PARM1: variants seen among roughly 807,000 people sequenced by gnomAD.
The protein encoded by PARM1 is prostate androgen-regulated mucin-like protein 1.
A neutral mutation model predicts 24.6 loss-of-function variants in PARM1; 14 were observed. The observed-to-expected ratio is 0.57, with a 90% CI of 0.38 to 0.89. The LOEUF is 0.89. PARM1 is among the 40% of genes least tolerant of loss of function. PARM1 has a pLI of 0.00. For missense variants in PARM1, 362 were observed against 380.4 expected (o/e 0.95, Z 0.40); for synonymous variants, 179 against 156.6 (o/e 1.14, Z -1.07).
chr4:75,023,934 C>A (rs1319945145), intron 2 of PARM1, among the ~76,000 whole-genome samples: 1 of 152,120 alleles, frequency 6.6e-6, no homozygotes, highest in African/African-American at 2.4e-5. Context: ...ACTTTGAATT[C>A]CTGAGTCTGG....
chr4:75,001,817 T>G (rs1722685254), intron 1 of PARM1, among the ~76,000 whole-genome samples: 1 of 152,142 alleles, frequency 6.6e-6, no homozygotes, highest in Non-Finnish European at 1.5e-5. Flanking sequence ...GGAAACACCC[T>G]CTAAGTTTGA....
chr4:75,040,340 A>C (rs1723457770), intron 3 of PARM1, among the ~76,000 whole-genome samples: 1 of 152,218 alleles, frequency 6.6e-6, no homozygotes, highest in Non-Finnish European at 1.5e-5. Flanking sequence ...CTGGCAGATA[A>C]TTTTTTAAAT....
chr4:74,969,692 T>A (rs2109994050), intron 1 of PARM1: 1 of 152,334 alleles, frequency 6.6e-6, no homozygotes, highest in African/African-American at 2.4e-5. Context: ...GACTGAGTAG[T>A]GTTGCAATGA....
chr4:75,009,171 C>T (rs576806289), intron 1 of PARM1, among the ~76,000 whole-genome samples: 97 of 152,302 alleles, frequency 6.4e-4, no homozygotes, highest in Non-Finnish European at 1.2e-3. Flanking sequence ...GGTCTGTCCT[C>T]CTCTTTACCA....
At chr4:75,013,187 CACCCTCACATTAAGAATGCAGTTCAGTGA>C in intron 2 of PARM1, 37 bp downstream of exon 2, 1 of 1,568,728 alleles carries the variant, frequency 6.4e-7, no homozygotes, top group Non-Finnish European at 8.7e-7. Flanking sequence ...TTCTTTACTA[CACCCTCACATTAAGAATGCAGTTCAGTGA>C]ACCAAACACA....
At chr4:75,036,329 A>G (rs986165447) in intron 3 of PARM1, among the ~76,000 whole-genome samples, 22 of 152,238 alleles carry the variant, frequency 1.4e-4, no homozygotes, top group Admixed American at 7.9e-4. Context: ...CAGGCAGTCT[A>G]AAATAGTGAT....
intron 1 of PARM1, among the ~76,000 whole-genome samples, chr4:74,977,159 T>C (rs552787419): frequency 8.1e-4 from 124 of 152,254 alleles, no homozygotes; most frequent in African/African-American, 2.9e-3. Context: ...TAACAAACTT[T>C]ACTGAGCTAC....
chr4:75,011,516 C>T (rs1385697786), intron 1 of PARM1, among the ~76,000 whole-genome samples: 1 of 152,054 alleles, frequency 6.6e-6, no homozygotes, highest in East Asian at 1.9e-4. Context: ...ATATGTGTTA[C>T]CTAAAAGTGA....
At chr4:75,022,903 T>C (rs1233564238) in intron 2 of PARM1, among the ~76,000 whole-genome samples, 2 of 152,190 alleles carry the variant, frequency 1.3e-5, no homozygotes, top group African/African-American at 4.8e-5. Context: ...GGAGTGCATA[T>C]AATAGATGCT....
At chr4:75,007,578 C>T (rs1722795609) in intron 1 of PARM1, among the ~76,000 whole-genome samples, 1 of 152,178 alleles carries the variant, frequency 6.6e-6, no homozygotes, top group Non-Finnish European at 1.5e-5. Context: ...TATTTAGGCC[C>T]TCCCTAGCTC....
chr4:75,040,138 G>A (rs2109814017), intron 3 of PARM1, among the ~76,000 whole-genome samples: 1 of 152,296 alleles, frequency 6.6e-6, no homozygotes, highest in South Asian at 2.1e-4. Context: ...GAAAGTTTGG[G>A]GGTGCAGCAG....
In PARM1 at chr4:75,049,573, G is replaced by C. The variant is rs990554958; in HGVS notation, c.*3326G>C. On this transcript the variant is annotated 3_prime_UTR_variant, in exon 4 of 4. Coordinates refer to ENST00000307428, the MANE Select transcript of PARM1 (RefSeq NM_015393.4). ...CATGGTTTCCATTTCTAGATGAAAG[G>C]ATGGCCTAGGACATAGGTCTCAAAG... 1 of 152,570 alleles carries C rather than the reference G, an allele frequency of 6.6e-6. No homozygotes were observed. Among genetic ancestry groups the C allele is most frequent in the African/African-American group, 2.4e-5 (1 of 41,454 alleles). The allele number at this position is 152,570 out of a possible 1,614,324, so 9.5% of individuals were successfully genotyped here. A position where few individuals can be genotyped will look rare whatever the true frequency, so the allele number is the denominator to read the frequency against.
chr4:74,983,716 T>A (rs889691542), intron 1 of PARM1, among the ~76,000 whole-genome samples: 2 of 152,236 alleles, frequency 1.3e-5, no homozygotes, highest in Non-Finnish European at 2.9e-5. Context: ...GAACAAGTGC[T>A]TGGACAGTTT....
At chr4:74,979,712 C>G (rs990864105) in intron 1 of PARM1, among the ~76,000 whole-genome samples, 5 of 152,134 alleles carry the variant, frequency 3.3e-5, no homozygotes, top group African/African-American at 1.2e-4. Context: ...ATGCAAAAAT[C>G]CTCAATAAAA....
chr4:75,034,579 C>T (rs755982084), intron 3 of PARM1, among the ~76,000 whole-genome samples: 1 of 152,182 alleles, frequency 6.6e-6, no homozygotes, highest in Non-Finnish European at 1.5e-5. Context: ...TAGGAAGTTG[C>T]AATACTCTGT....
At chr4:75,016,656 A>G (rs1722995150) in intron 2 of PARM1, among the ~76,000 whole-genome samples, 1 of 152,090 alleles carries the variant, frequency 6.6e-6, no homozygotes, top group Non-Finnish European at 1.5e-5. Flanking sequence ...TCATCGTTAA[A>G]GCACTGGCTC....
chr4:75,009,207 G>A (rs1722825651), intron 1 of PARM1, among the ~76,000 whole-genome samples: 1 of 152,138 alleles, frequency 6.6e-6, no homozygotes, highest in South Asian at 2.1e-4. Flanking sequence ...TGAAGCTTAT[G>A]GCCTTGATGA....
chr4:74,966,282 A>G (rs1470346305), intron 1 of PARM1, among the ~76,000 whole-genome samples: 1 of 152,164 alleles, frequency 6.6e-6, no homozygotes, highest in Non-Finnish European at 1.5e-5. Flanking sequence ...ATTCAGGACT[A>G]TTGCAATATG....
rs555343310 is a variant in PARM1, at chr4:75,012,798, G to C, written c.417G>C (p.Ser139=). 6.2e-7 allele frequency: 1 copy of C among 1,613,888 alleles called. No individual in the cohort carries two copies. Among genetic ancestry groups the C allele is most frequent in the East Asian group, 2.2e-5 (1 of 44,878 alleles). Reference sequence around the variant, plus strand: ...AAGCAGGCGTGGCAGCTACACTGTCGCAGTCCGCTGCTGAGCCTCCCACAC... The same window carrying C: ...AAGCAGGCGTGGCAGCTACACTGTCCCAGTCCGCTGCTGAGCCTCCCACAC... ...TPEAGVAATL[S]QSAAEPPTLI... The change falls in exon 2 of 4, where the codon TCG becomes TCC. Residue 139 remains serine, a synonymous_variant. Transcript: ENST00000307428.
Sources: gnomAD v4.1 joint callset for allele counts (sites outside exome capture counted in the v4.1 genomes callset) on GRCh38, gnomAD v4.1.1 for gene constraint, MANE v1.5 for transcripts, NCBI Gene and HGNC (gene_info 2026-07-23, HGNC 2026-07-21) for gene names.